Variants in SRPRA observed in about 807,000 individuals in gnomAD.
The protein encoded by SRPRA is SRP receptor subunit alpha, also known as signal recognition particle receptor subunit alpha.
SRPRA carries 30 observed loss-of-function variants against 61.1 expected under a neutral mutation model. The ratio of observed to expected loss-of-function variants is 0.49; its 90% CI spans 0.37 to 0.67. The LOEUF (loss-of-function observed/expected upper bound fraction) is 0.67. Among genes scored for constraint, SRPRA ranks in the 30% least tolerant of loss-of-function variants. The probability of loss-of-function intolerance (pLI) is 0.00; values close to 1 mark genes in which losing one functional copy is unlikely to be tolerated. For missense variants in SRPRA, 759 were observed against 828.4 expected, an observed-to-expected ratio of 0.92 and a Z score of 1.03; for synonymous variants, 324 against 299.7, an observed-to-expected ratio of 1.08 and a Z score of -0.84.
rs1950741108 is a variant in SRPRA at position 126,263,318 on chromosome 11, C to CTT, written c.*596_*597dup. On this transcript the variant is annotated 3_prime_UTR_variant, in exon 14 of 14. Coordinates refer to ENST00000332118, the MANE Select transcript of SRPRA (RefSeq NM_003139.4). ...ATTTCTGAGGGAAGCAAGGACTCAT[C>CTT]TTTTGCTCATTTGTAACAAATCACT... The CTT allele has an allele frequency of 6.6e-6, 1 of 152,596 alleles. No homozygotes were observed. The highest frequency in any genetic ancestry group is 1.5e-5 in the Non-Finnish European group (1 of 68,074). 9.5% of individuals were successfully genotyped at this position (152,596 alleles called of 1,614,324 possible).
the SRPRA span, among the ~76,000 whole-genome samples, chr11:126,241,955 G>A: frequency 1.3e-5 from 2 of 151,208 alleles, no homozygotes; most frequent in Non-Finnish European, 2.9e-5. Flanking sequence ...AACCCGGGAG[G>A]TGGAGGTTGC....
Position 126,264,643 on chromosome 11 carries a change from G to A in SRPRA, c.1526-104C>T. On this transcript the variant is annotated intron_variant, in intron 11 of 13. Transcript: ENST00000332118. The surrounding 1 kb of genome is among the most constrained non-coding windows in gnomAD (Gnocchi z 5.0). ...AGTTTGACTACCTGTTCACTGTCTTGGGCTCTGGATTTGGTTCCAAGGTAA... is the reference window on the plus strand; with the variant it reads ...AGTTTGACTACCTGTTCACTGTCTTAGGCTCTGGATTTGGTTCCAAGGTAA... 7.3e-7 allele frequency: 1 copy of A among 1,375,066 alleles called. No individual in the cohort carries two copies. 85.2% of individuals were successfully genotyped at this position (1,375,066 alleles called of 1,614,324 possible).
the SRPRA span, among the ~76,000 whole-genome samples, chr11:126,246,171 AT>A: frequency 6.6e-5 from 10 of 152,164 alleles, no homozygotes; most frequent in South Asian, 4.1e-4. Context: ...AGACATTAAT[AT>A]TTTTTAGGTG....
At chr11:126,254,129 A>G in the SRPRA span, among the ~76,000 whole-genome samples, 3 of 152,214 alleles carry the variant, frequency 2.0e-5, no homozygotes, top group Non-Finnish European at 4.4e-5. Flanking sequence ...CATTCTTGAC[A>G]GTCATTCCTG....
chr11:126,264,861 G>T lies in SRPRA; in HGVS notation c.1525+98C>A. ...ACTTTTTACTGTAATTGACCAACGAGTCTGTAGTAGCACAAGCCTGATCTT... is the reference window on the plus strand; with the variant it reads ...ACTTTTTACTGTAATTGACCAACGATTCTGTAGTAGCACAAGCCTGATCTT... On this transcript the variant is annotated intron_variant, in intron 11 of 13. Transcript: ENST00000332118. The surrounding 1 kb of genome is among the most constrained non-coding windows in gnomAD (Gnocchi z 5.0). The T allele has an allele frequency of 8.5e-7, 1 of 1,169,730 alleles. No individual in the cohort carries two copies. The highest frequency in any genetic ancestry group is 1.2e-6 in the Non-Finnish European group (1 of 841,914). The allele number at this position is 1,169,730 out of a possible 1,614,324, so 72.5% of individuals were successfully genotyped here.
At chr11:126,256,146 T>C in the SRPRA span, among the ~76,000 whole-genome samples, 1 of 151,898 alleles carries the variant, frequency 6.6e-6, no homozygotes, top group South Asian at 2.1e-4. This position sits in a 1 kb window ranked among gnomAD's most constrained non-coding sequence, Gnocchi z 6.6. Context: ...TGGTGCACAC[T>C]TGTAATATAC....
chr11:126,254,984 T>C, the SRPRA span, among the ~76,000 whole-genome samples: 2 of 152,246 alleles, frequency 1.3e-5, no homozygotes, highest in South Asian at 2.1e-4. Flanking sequence ...CATGTCATCA[T>C]TGGCATCATC....
the SRPRA span, among the ~76,000 whole-genome samples, chr11:126,245,968 C>G: frequency 6.6e-6 from 1 of 150,376 alleles, no homozygotes; most frequent in African/African-American, 2.5e-5. Context: ...TGCACTCCAG[C>G]CTGGGCAACA....
rs1384293933 is a variant in SRPRA, at chr11:126,263,373, A to G, written c.*543T>C. 1 of 152,816 alleles carries G rather than the reference A, an allele frequency of 6.5e-6. No homozygotes were observed. The highest frequency in any genetic ancestry group is 2.4e-5 in the African/African-American group (1 of 41,434). 9.5% of individuals were successfully genotyped at this position (152,816 alleles called of 1,614,324 possible). On this transcript the variant is annotated 3_prime_UTR_variant, in exon 14 of 14. Transcript: ENST00000332118. ...CCTAGCTGATGCTTTGGGGTAAACAATGGAGTAGGAGTCATCATCAGAATT... is the reference window on the plus strand; with the variant it reads ...CCTAGCTGATGCTTTGGGGTAAACAGTGGAGTAGGAGTCATCATCAGAATT...
Position 126,265,088 on chromosome 11 carries a change from G to A in SRPRA, c.1396C>T (p.Arg466Cys), listed in dbSNP as rs770747598. The part of the protein sequence containing the change: ...TFRAGAVEQL[R>C]THTRRLSALH... The stretch of plus-strand genomic sequence containing the variant: ...GCACTCAAACGCCGGGTGTGTGTAC[G>A]CAGCTGCTCCACGGCCCCAGCACGA... The change falls in exon 11 of 14, where the codon CGT (arginine) becomes TGT (cysteine). Residue 466 changes from arginine to cysteine, a missense_variant. Arg to Cys is a radical substitution (Grantham distance 180, BLOSUM62 -3). This residue lies in a region of SRPRA where 284 missense variants were observed against 365.9 expected (regional missense o/e 0.78). Transcript: ENST00000332118. The surrounding 1 kb of genome is among the most constrained non-coding windows in gnomAD (Gnocchi z 6.3). 16 of 1,613,986 alleles carry A rather than the reference G, an allele frequency of 9.9e-6. No individual in the cohort carries two copies. Among genetic ancestry groups the A allele is most frequent in the East Asian group, 4.5e-5 (2 of 44,892 alleles).
the SRPRA span, chr11:126,240,834 T>C: frequency 1.2e-6 from 2 of 1,611,610 alleles, no homozygotes; most frequent in East Asian, 4.5e-5. Flanking sequence ...CTCGAGAACT[T>C]GTGCTAGTGA....
In SRPRA at chr11:126,267,855, T is replaced by C; in HGVS notation, c.202-143A>G. ...CTGAGAGGCAGCCAAGCTCCCTGCC[T>C]GGGCCCAGTAGCTGCTGTTTTCCCC... On this transcript the variant is annotated intron_variant, in intron 2 of 13. Transcript: ENST00000332118. This position sits in a 1 kb window ranked among gnomAD's most constrained non-coding sequence, Gnocchi z 4.2. The C allele has an allele frequency of 1.4e-6, 2 of 1,388,704 alleles. No homozygotes were observed. Among genetic ancestry groups the C allele is most frequent in the Non-Finnish European group, 2.0e-6 (2 of 1,001,396 alleles). 86.0% of individuals were successfully genotyped at this position (1,388,704 alleles called of 1,614,324 possible).
rs116742033 is a variant in SRPRA at position 126,265,744 on chromosome 11, C to T, written c.1131G>A (p.Thr377=). The change falls in exon 9 of 14, where the codon ACG becomes ACA. Residue 377 remains threonine (T), a synonymous_variant. Transcript: ENST00000332118. This position sits in a 1 kb window ranked among gnomAD's most constrained non-coding sequence, Gnocchi z 6.3. ...ACTTAGGTAAGTACTTACTGCTGAA[C>T]GTCCCCATCACCTTCCCTTCCAACT... ...ANKLEGKVMG[T]FSTVTSTVKQ... 2.4e-5 allele frequency: 38 copies of T among 1,614,206 alleles called. No homozygotes were observed. The African/African-American group carries it at 3.1e-4, about 13-fold the overall frequency.
At chr11:126,238,225 G>A in the SRPRA span, among the ~76,000 whole-genome samples, 1 of 152,040 alleles carries the variant, frequency 6.6e-6, no homozygotes, top group Non-Finnish European at 1.5e-5. Flanking sequence ...GGCTGGGTGT[G>A]GTGGCACGTG....
chr11:126,263,679 GA>G lies in SRPRA; in HGVS notation c.*236del. 3.8e-6 allele frequency: 2 copies of G among 531,000 alleles called. No individual in the cohort carries two copies. The highest frequency in any genetic ancestry group is 4.6e-5 in the South Asian group (2 of 43,404). 32.9% of individuals were successfully genotyped at this position (531,000 alleles called of 1,614,324 possible). A position where few individuals can be genotyped will look rare whatever the true frequency, so the allele number is the denominator to read the frequency against. ...CAGAGTGAAGGGGGTGCCTGAGTAG[GA>G]AGGGGGAGGCCCGCTGGGAGAGGGT... On this transcript the variant is annotated 3_prime_UTR_variant, in exon 14 of 14. Transcript: ENST00000332118.
At chr11:126,236,302 G>A in the SRPRA span, among the ~76,000 whole-genome samples, 4 of 152,228 alleles carry the variant, frequency 2.6e-5, no homozygotes, top group African/African-American at 9.6e-5. Context: ...TATTTGAAAA[G>A]GTCTTTATCA....
Position 126,265,993 on chromosome 11 carries a change from C to A in SRPRA, c.1021G>T (p.Val341Leu), listed in dbSNP as rs1421186761. 3 of 1,614,202 alleles carry A rather than the reference C, an allele frequency of 1.9e-6. No individual in the cohort carries two copies. The highest frequency in any genetic ancestry group is 1.1e-5 in the South Asian group (1 of 91,090). Residue 341 changes from valine (V) to leucine (L), a missense_variant, in exon 8 of 14, where the codon GTG becomes TTG. By Grantham distance (32) the Val-to-Leu change is conservative. Transcript: ENST00000332118. This position sits in a 1 kb window ranked among gnomAD's most constrained non-coding sequence, Gnocchi z 6.3. ...KSLSREDMESVLDKMRDHLIA... is the reference protein window; with the variant it reads ...KSLSREDMESLLDKMRDHLIA... ...AGATGATCACGCATCTTGTCCAGCA[C>A]AGATTCCATGTCTTCACGACTCAAG...
the SRPRA span, among the ~76,000 whole-genome samples, chr11:126,248,156 AAAAT>A: frequency 4.0e-5 from 6 of 149,992 alleles, no homozygotes; most frequent in African/African-American, 1.5e-4. Flanking sequence ...AAGAAAAATA[AAAAT>A]AAATAAAAAA....
chr11:126,249,073 G>A, the SRPRA span, among the ~76,000 whole-genome samples: 33 of 152,272 alleles, frequency 2.2e-4, no homozygotes, highest in African/African-American at 5.8e-4. Context: ...TAAGTAAGCC[G>A]TATGTTAAGA....
Sources: gnomAD v4.1 joint callset for allele counts (sites outside exome capture counted in the v4.1 genomes callset) on GRCh38, gnomAD v4.1.1 for gene constraint, gnomAD v4.1.1 regional missense constraint, Gnocchi (gnomAD v3.1) non-coding constraint, MANE v1.5 for transcripts, NCBI Gene and HGNC (gene_info 2026-07-23, HGNC 2026-07-21) for gene names.